Variants in AHCYL1 observed in about 807,000 individuals in gnomAD.
AHCYL1 encodes adenosylhomocysteinase like 1.
AHCYL1 carries 20 observed loss-of-function variants against 79.3 expected under a neutral mutation model. That is an observed-to-expected ratio of 0.25 (90% CI 0.18 to 0.37). The LOEUF is 0.37. AHCYL1 is among the 10% of genes least tolerant of loss of function. The pLI, the probability that AHCYL1 is intolerant of heterozygous loss-of-function variation, is 1.00. For missense variants in AHCYL1, 330 were observed against 673.6 expected (o/e 0.49, Z 5.65); for synonymous variants, 223 against 242.2 (o/e 0.92, Z 0.74).
chr1:110,003,878 G>A, intron 1 of AHCYL1: 1 of 973,742 alleles, frequency 1.0e-6, no homozygotes, highest in Non-Finnish European at 1.2e-6. Context: ...GTTGGCAGTT[G>A]CAGGCCTCGA....
chr1:110,009,073 T>C lies in AHCYL1; in HGVS notation c.160T>C (p.Phe54Leu). The change falls in exon 2 of 17, where the codon TTC becomes CTC. Residue 54 changes from phenylalanine to leucine, a missense_variant. Transcript: ENST00000369799. Reference protein sequence around the residue: ...FADDMQEFTKFPTKTGRRSLS... With the variant: ...FADDMQEFTKLPTKTGRRSLS... Reference sequence around the variant, plus strand: ...TGATGACATGCAGGAGTTCACCAAATTCCCCACCAAAACTGGCCGAAGATC... The same window carrying C: ...TGATGACATGCAGGAGTTCACCAAACTCCCCACCAAAACTGGCCGAAGATC... 6.2e-7 allele frequency: 1 copy of C among 1,613,976 alleles called. No homozygotes were observed. The highest frequency in any genetic ancestry group is 8.5e-7 in the Non-Finnish European group (1 of 1,179,848).
At chr1:110,016,880 T>A in intron 9 of AHCYL1, 150 bp downstream of exon 9, 1 of 861,636 alleles carries the variant, frequency 1.2e-6, no homozygotes, top group Non-Finnish European at 1.8e-6. Flanking sequence ...AAGCCTTTTA[T>A]TCAGATTTAT....
intron 1 of AHCYL1, among the ~76,000 whole-genome samples, chr1:110,002,483 A>G (rs563511536): frequency 2.6e-4 from 40 of 152,386 alleles, no homozygotes; most frequent in Non-Finnish European, 4.1e-4. Flanking sequence ...TGTTAAATAC[A>G]TAAAAATCTG....
intron 2 of AHCYL1, among the ~76,000 whole-genome samples, chr1:110,009,598 T>A (rs1189932976): frequency 6.6e-6 from 1 of 152,250 alleles, no homozygotes; most frequent in Non-Finnish European, 1.5e-5. Context: ...TTTTGGCTTC[T>A]CTTATTTATT....
Position 110,021,657 on chromosome 1 carries a change from ACT to A in AHCYL1, c.1587-8_1587-7del, listed in dbSNP as rs765244326. The A allele has an allele frequency of 1.9e-6, 3 of 1,610,882 alleles. No individual in the cohort carries two copies. The East Asian group carries it at 6.7e-5, about 36-fold the overall frequency. On this transcript the variant is annotated splice_polypyrimidine_tract_variant and intron_variant, in intron 16 of 16. Coordinates refer to ENST00000369799, the MANE Select transcript of AHCYL1 (RefSeq NM_006621.7). ...TGGAAGACATAAGTGTTAACCAATC[ACT>A]CTCTCTCTTTACAGATACTAATGGA...
At chr1:110,005,392 C>T (rs918029618) in intron 1 of AHCYL1, among the ~76,000 whole-genome samples, 1 of 152,216 alleles carries the variant, frequency 6.6e-6, no homozygotes, top group Non-Finnish European at 1.5e-5. Flanking sequence ...TAATATCTGG[C>T]ATGTTCCTCA....
intron 1 of AHCYL1, among the ~76,000 whole-genome samples, chr1:109,998,236 T>C (rs189137461): frequency 2.6e-5 from 4 of 152,312 alleles, no homozygotes; most frequent in Admixed American, 2.6e-4. Context: ...ACTGGGACTG[T>C]TTTGCAGTTG....
chr1:110,020,961 A>G, intron 16 of AHCYL1, 110 bp downstream of exon 16: 1 of 1,472,140 alleles, frequency 6.8e-7, no homozygotes, highest in Admixed American at 2.4e-5. Context: ...TGAAGAATAC[A>G]AGAAATCTGT....
chr1:110,013,361 T>C (rs115341129), intron 5 of AHCYL1, among the ~76,000 whole-genome samples: 242 of 152,356 alleles, frequency 1.6e-3, no homozygotes, highest in African/African-American at 5.7e-3. Flanking sequence ...TGGTATTCAG[T>C]ATGGCATTGA....
In AHCYL1 at chr1:110,019,170, C is replaced by T. The variant is rs1165687888; in HGVS notation, c.1386+51C>T. 3.2e-6 allele frequency: 5 copies of T among 1,541,188 alleles called. No individual in the cohort carries two copies. The South Asian group carries it at 4.5e-5, about 14-fold the overall frequency. ...CTGCACTGCAATTTGTGGAACTGGG[C>T]GTAGATCAGTTCCAGTGAGGGTGTA... On this transcript the variant is annotated intron_variant, in intron 14 of 16. Transcript: ENST00000369799.
chr1:110,020,298 T>C (rs556555067), intron 15 of AHCYL1, among the ~76,000 whole-genome samples: 13 of 152,340 alleles, frequency 8.5e-5, no homozygotes, highest in African/African-American at 3.1e-4. Flanking sequence ...CCATGGATCT[T>C]ATCCTAAATG....
At position 110,023,241 on chromosome 1, in the gene AHCYL1, T is replaced by C. The variant is rs538921934; in HGVS notation, c.*1561T>C. On this transcript the variant is annotated 3_prime_UTR_variant, in exon 17 of 17. Coordinates refer to ENST00000369799, the MANE Select transcript of AHCYL1 (RefSeq NM_006621.7). The stretch of plus-strand genomic sequence containing the variant: ...GGAAAGCTTTCACCCTGCAGCTTCT[T>C]AGCAGGGAACAATTGTCTTGCCAAA... 6 of 152,686 alleles carry C rather than the reference T, an allele frequency of 3.9e-5. No homozygotes were observed. The highest frequency in any genetic ancestry group is 7.3e-5 in the Non-Finnish European group (5 of 68,044). The allele number at this position is 152,686 out of a possible 1,614,324, so 9.5% of individuals were successfully genotyped here.
intron 1 of AHCYL1, among the ~76,000 whole-genome samples, chr1:110,004,821 C>T (rs561386067): frequency 1.5e-4 from 23 of 152,026 alleles, no homozygotes; most frequent in African/African-American, 5.3e-4. Flanking sequence ...TCTTCCTTTC[C>T]TCTGAAAAAG....
intron 7 of AHCYL1, among the ~76,000 whole-genome samples, chr1:110,016,005 G>A (rs556996267): frequency 7.2e-5 from 11 of 152,202 alleles, no homozygotes; most frequent in Admixed American, 4.6e-4. Context: ...AACCATATCA[G>A]AATCATTGAT....
intron 1 of AHCYL1, among the ~76,000 whole-genome samples, chr1:109,992,527 T>C (rs1027347136): frequency 1.3e-5 from 2 of 152,080 alleles, no homozygotes; most frequent in African/African-American, 2.4e-5. Flanking sequence ...TTCTCATGAC[T>C]GTTAGCTTTA....
At chr1:110,021,631 A>G (rs773948385) in intron 16 of AHCYL1, 43 bp from the exon 17 acceptor site, 4 of 1,603,092 alleles carry the variant, frequency 2.5e-6, no homozygotes, top group African/African-American at 1.3e-5. Flanking sequence ...GAATTCTCAT[A>G]TGGAAGACAT....
chr1:110,015,321 T>C, intron 6 of AHCYL1, 104 bp from the exon 7 acceptor site: 1 of 895,400 alleles, frequency 1.1e-6, no homozygotes, highest in Non-Finnish European at 1.8e-6. Flanking sequence ...GGAGTACTCT[T>C]CCAAAACATA....
At chr1:110,013,280 T>C (rs1390419581) in intron 5 of AHCYL1, among the ~76,000 whole-genome samples, 1 of 152,242 alleles carries the variant, frequency 6.6e-6, no homozygotes, top group Admixed American at 6.5e-5. Flanking sequence ...TTAAACTATA[T>C]AAGTGCCATC....
rs1161466455 is a variant in AHCYL1 at position 109,984,841 on chromosome 1, C to G, written c.-212C>G. ...AGCTCGGAGCTGCTGTTCTGGTTCT[C>G]TTGTGGCCGCCGTCGCTGTCCGGCT... On this transcript the variant is annotated 5_prime_UTR_variant, in exon 1 of 17. Transcript: ENST00000369799. 4.5e-6 allele frequency: 3 copies of G among 660,072 alleles called. No individual in the cohort carries two copies. In the East Asian group the frequency reaches 1.3e-4, roughly 28 times the overall value. 40.9% of individuals were successfully genotyped at this position (660,072 alleles called of 1,614,324 possible). A position where few individuals can be genotyped will look rare whatever the true frequency, so the allele number is the denominator to read the frequency against.
Sources: gnomAD v4.1 joint callset for allele counts (sites outside exome capture counted in the v4.1 genomes callset) on GRCh38, gnomAD v4.1.1 for gene constraint, MANE v1.5 for transcripts, NCBI Gene and HGNC (gene_info 2026-07-23, HGNC 2026-07-21) for gene names.